The following CNTNAP2 variants were observed in gnomAD, a reference collection of about 807,000 sequenced individuals.
The protein encoded by CNTNAP2 is contactin associated protein 2.
Under a neutral mutation model 155.2 loss-of-function variants are expected in CNTNAP2, and 98 were observed. The ratio of observed to expected loss-of-function variants is 0.63; its 90% confidence interval spans 0.54 to 0.75. The LOEUF (loss-of-function observed/expected upper bound fraction) is 0.75, where lower values mean the gene tolerates loss of function less well. Ranked by LOEUF, CNTNAP2 falls within the 30% of genes least tolerant of loss-of-function variation. CNTNAP2 has a pLI of 0.00. For synonymous variants in CNTNAP2, 651 were observed against 631.2 expected (o/e 1.03, Z -0.47); for missense variants, 1,727 against 1,688.1 (o/e 1.02, Z -0.40).
chr7:147,725,143 A>T (rs1796622604), intron 13 of CNTNAP2, among the ~76,000 whole-genome samples: 1 of 151,940 alleles, frequency 6.6e-6, no homozygotes, highest in Admixed American at 6.6e-5. Flanking sequence ...CTTTTTTTCT[A>T]CTCCATGGTA....
chr7:147,998,103 CTTTTTTTT>C (rs71188938), intron 15 of CNTNAP2, among the ~76,000 whole-genome samples: 1,005 of 75,856 alleles, frequency 0.013, 21 homozygotes, highest in East Asian at 0.12. Context: ...TTTCTTTTTT[CTTTTTTTT>C]TTTTTTTTTT....
At chr7:146,852,684 C>T (rs10232145) in intron 3 of CNTNAP2, among the ~76,000 whole-genome samples, 4,699 of 152,222 alleles carry the variant, frequency 0.031, 220 homozygotes, top group African/African-American at 0.1. Flanking sequence ...GAAAAGAGCT[C>T]GCCCAGAGCC....
intron 14 of CNTNAP2, among the ~76,000 whole-genome samples, chr7:147,955,358 T>C (rs1484516824): frequency 6.6e-6 from 1 of 152,198 alleles, no homozygotes; most frequent in Non-Finnish European, 1.5e-5. Context: ...AAAAACCCTC[T>C]ACTTATTAGC....
intron 8 of CNTNAP2, among the ~76,000 whole-genome samples, chr7:147,234,957 A>G (rs1267770175): frequency 6.6e-6 from 1 of 152,118 alleles, no homozygotes; most frequent in Non-Finnish European, 1.5e-5. Context: ...GGTTAATGTT[A>G]TGTGAACTGA....
intron 1 of CNTNAP2, among the ~76,000 whole-genome samples, chr7:146,517,094 G>C (rs151160802): frequency 2.7e-3 from 410 of 152,070 alleles, no homozygotes; most frequent in African/African-American, 9.3e-3. Context: ...GAACTCTGGT[G>C]TCATCTTGCT....
chr7:146,954,848 T>C (rs1797400940), intron 3 of CNTNAP2, among the ~76,000 whole-genome samples: 1 of 151,954 alleles, frequency 6.6e-6, no homozygotes, highest in South Asian at 2.1e-4. Context: ...TTTTCACCTT[T>C]ATTCAATTGT....
chr7:147,096,832 A>G (rs1800545669), intron 4 of CNTNAP2, among the ~76,000 whole-genome samples: 1 of 152,182 alleles, frequency 6.6e-6, no homozygotes, highest in East Asian at 1.9e-4. Context: ...ATTCCCTCCA[A>G]TGCCCAAATC....
intron 13 of CNTNAP2, among the ~76,000 whole-genome samples, chr7:147,889,935 C>T (rs1445227965): frequency 6.6e-6 from 1 of 151,888 alleles, no homozygotes; most frequent in African/African-American, 2.4e-5. Context: ...ACCACAGACT[C>T]GATTCTTTAA....
chr7:146,230,908 G>C (rs1441826115), intron 1 of CNTNAP2, among the ~76,000 whole-genome samples: 7 of 152,026 alleles, frequency 4.6e-5, no homozygotes. Context: ...CCAGCTATTT[G>C]GGAGGCTGAG....
intron 3 of CNTNAP2, among the ~76,000 whole-genome samples, chr7:146,997,932 C>T (rs1335313644): frequency 6.6e-6 from 1 of 151,956 alleles, no homozygotes; most frequent in Non-Finnish European, 1.5e-5. Context: ...TGAGTATTCT[C>T]TTTTTTTCTT....
At chr7:146,777,247 G>T (rs763505208) in intron 2 of CNTNAP2, among the ~76,000 whole-genome samples, 1 of 152,180 alleles carries the variant, frequency 6.6e-6, no homozygotes, top group Non-Finnish European at 1.5e-5. Flanking sequence ...GTTATGTGGG[G>T]ATGTGCAGCT....
Position 146,721,889 on chromosome 7 carries a change from A to ATATATATTT in CNTNAP2, c.98-52381_98-52380insATATATTTT. Among the ~76,000 whole-genome samples, 12 of 69,738 alleles carry ATATATATTT rather than the reference A, an allele frequency of 1.7e-4. No individual in the cohort carries two copies. In the African/African-American group the frequency reaches 2.3e-3, roughly 13 times the overall value. 45.8% of individuals were successfully genotyped at this position (69,738 alleles called of 152,430 possible). ...TGTGTGTGTGTGTATATATATATAT[A>ATATATATTT]TTTTTTTTTTTTTTTTTGAGATGGA... is the stretch of plus-strand genomic sequence containing the variant. On this transcript the variant is annotated intron_variant, in intron 1 of 23. Transcript: ENST00000361727.
At chr7:147,139,050 C>T (rs1801546817) in intron 8 of CNTNAP2, among the ~76,000 whole-genome samples, 1 of 151,902 alleles carries the variant, frequency 6.6e-6, no homozygotes, top group Non-Finnish European at 1.5e-5. Flanking sequence ...GAACATAGCC[C>T]AGGAACTCCA....
chr7:147,574,637 T>C (rs1000869594), intron 12 of CNTNAP2, among the ~76,000 whole-genome samples: 8 of 15,716 alleles, frequency 5.1e-4, no homozygotes, highest in African/African-American at 1.4e-3. Context: ...CGTTTTAAAA[T>C]TCTTTCCTGG....
rs139335240 is a variant in CNTNAP2, at chr7:146,824,136, G to T, written c.209-15575G>T. On this transcript the variant is annotated intron_variant, in intron 2 of 23. Transcript: ENST00000361727. ...CCACTTATGAGTGAGAACATGTGGTGTTTGGTTTTCTGTTCCTGTGTTAGT... is the reference window on the plus strand; with the variant it reads ...CCACTTATGAGTGAGAACATGTGGTTTTTGGTTTTCTGTTCCTGTGTTAGT... 3.8e-3 allele frequency among the ~76,000 whole-genome samples: 580 copies of T among 152,162 alleles called. 6 individuals are homozygous for T. Among genetic ancestry groups the T allele is most frequent in the African/African-American group, 0.013 (556 of 41,516 alleles).
intron 13 of CNTNAP2, among the ~76,000 whole-genome samples, chr7:147,766,312 A>T (rs1797382931): frequency 6.6e-6 from 1 of 152,204 alleles, no homozygotes; most frequent in South Asian, 2.1e-4. Flanking sequence ...GACTTTTAAA[A>T]TATATTCTAT....
At chr7:146,982,173 G>C (rs957065701) in intron 3 of CNTNAP2, among the ~76,000 whole-genome samples, 7 of 152,036 alleles carry the variant, frequency 4.6e-5, no homozygotes, top group African/African-American at 1.7e-4. Flanking sequence ...CTGGTATATA[G>C]AGCCATTAAC....
chr7:147,713,447 T>G (rs1796432971), intron 13 of CNTNAP2, among the ~76,000 whole-genome samples: 2 of 152,148 alleles, frequency 1.3e-5, no homozygotes, highest in Admixed American at 6.6e-5. Context: ...GCATAATGCA[T>G]TTGTGATCAT....
intron 1 of CNTNAP2, among the ~76,000 whole-genome samples, chr7:146,293,476 AAAACCT>A (rs1323681340): frequency 1.3e-5 from 2 of 152,182 alleles, no homozygotes; most frequent in African/African-American, 2.4e-5. Context: ...ACTCTCATGG[AAAACCT>A]GTTTATAATG....
Sources: gnomAD v4.1 joint callset for allele counts (sites outside exome capture counted in the v4.1 genomes callset) on GRCh38, gnomAD v4.1.1 for gene constraint, MANE v1.5 for transcripts, NCBI Gene and HGNC (gene_info 2026-07-23, HGNC 2026-07-21) for gene names.